Variants in AGO1 observed in about 807,000 individuals in gnomAD.
AGO1 encodes the protein argonaute RISC component 1, also known as protein argonaute-1.
AGO1 carries 11 observed loss-of-function variants against 109.2 expected under a neutral mutation model. The observed-to-expected ratio is 0.10, with a 90% CI of 0.06 to 0.17. The LOEUF (loss-of-function observed/expected upper bound fraction) is 0.17. Among genes scored for constraint, AGO1 ranks in the 10% least tolerant of loss-of-function variants. The pLI is 1.00. For synonymous variants in AGO1, 422 were observed against 418.6 expected (o/e 1.01, Z -0.10); for missense variants, 574 against 1,140.3 (o/e 0.50, Z 7.15).
intron 1 of AGO1, among the ~76,000 whole-genome samples, chr1:35,885,456 T>C (rs1645105881): frequency 6.6e-6 from 1 of 152,230 alleles, no homozygotes; most frequent in South Asian, 2.1e-4. Context: ...GGACAGGCTT[T>C]GCCTCAGTAA....
chr1:35,894,452 A>G (rs1024549586), intron 7 of AGO1, 50 bp downstream of exon 7: 22 of 1,575,760 alleles, frequency 1.4e-5, no homozygotes, highest in Non-Finnish European at 1.9e-5. Flanking sequence ...AGAAGGGCTG[A>G]GATTTAAAAC....
In AGO1 at chr1:35,888,671, G is replaced by A; in HGVS notation, c.209+61G>A. 6.3e-7 allele frequency: 1 copy of A among 1,583,788 alleles called. No homozygotes were observed. Among genetic ancestry groups the A allele is most frequent in the Non-Finnish European group, 8.6e-7 (1 of 1,161,256 alleles). On this transcript the variant is annotated intron_variant, in intron 2 of 18. Transcript: ENST00000373204. The surrounding 1 kb of genome is among the most constrained non-coding windows in gnomAD (Gnocchi z 4.1). ...GACACCAACCTTGAAAGAGGGGCCA[G>A]AAAGGTAAAAGAAAAACCAGTAGAG...
chr1:35,888,487 T>C lies in AGO1; in HGVS notation c.86T>C (p.Ile29Thr). Reference sequence around the variant, plus strand: ...TTCCAGGCACCTCGCCGGCCTGGCATTGGCACTGTGGGGAAACCAATCAAG... The same window carrying C: ...TTCCAGGCACCTCGCCGGCCTGGCACTGGCACTGTGGGGAAACCAATCAAG... ...QVFQAPRRPG[I>T]GTVGKPIKLL... Residue 29 changes from isoleucine (I) to threonine (T), a missense_variant, in exon 2 of 19, where the codon ATT becomes ACT. Ile to Thr is a moderately conservative substitution (Grantham distance 89). Around this residue, in one of 8 missense-constraint regions of AGO1, gnomAD observed 89 missense variants for 109.6 expected, o/e 0.81. Coordinates refer to ENST00000373204, the MANE Select transcript of AGO1 (RefSeq NM_012199.5). The surrounding 1 kb of genome is among the most constrained non-coding windows in gnomAD (Gnocchi z 4.1). The C allele has an allele frequency of 2.5e-6, 4 of 1,614,216 alleles. No individual in the cohort carries two copies. The highest frequency in any genetic ancestry group is 3.4e-6 in the Non-Finnish European group (4 of 1,180,030).
intron 17 of AGO1, 92 bp downstream of exon 17, chr1:35,918,515 A>T (rs1645775102): frequency 9.7e-7 from 1 of 1,033,694 alleles, no homozygotes; most frequent in South Asian, 1.3e-5. Context: ...ACTGAATGAC[A>T]TCCAAATTAG....
chr1:35,871,913 C>G (rs1644954316), intron 1 of AGO1, among the ~76,000 whole-genome samples: 1 of 150,516 alleles, frequency 6.6e-6, no homozygotes, highest in Non-Finnish European at 1.5e-5. Context: ...ACTAAAAATA[C>G]AAAAAAATTA....
chr1:35,870,569 A>C (rs1000242529), intron 1 of AGO1, among the ~76,000 whole-genome samples: 3 of 152,216 alleles, frequency 2.0e-5, no homozygotes, highest in Non-Finnish European at 4.4e-5. Flanking sequence ...GGCGTGAGCC[A>C]CCGCGCCTGG....
In AGO1 at chr1:35,907,136, A is replaced by G. The variant is rs982057821; in HGVS notation, c.1582+17A>G. The G allele has an allele frequency of 3.1e-6, 5 of 1,601,474 alleles. No individual in the cohort carries two copies. The Admixed American group carries it at 8.5e-5, about 27-fold the overall frequency. Reference sequence around the variant, plus strand: ...CGGTGTATGGTACAGTTCTCTTGGGACAGTGATAATGGTGATAGGACTCTT... The same window carrying G: ...CGGTGTATGGTACAGTTCTCTTGGGGCAGTGATAATGGTGATAGGACTCTT... On this transcript the variant is annotated intron_variant, in intron 12 of 18. Coordinates refer to ENST00000373204, the MANE Select transcript of AGO1 (RefSeq NM_012199.5).
chr1:35,901,917 TCTC>T lies in AGO1; in HGVS notation c.1141-28_1141-26del, dbSNP rs1332172701. The stretch of plus-strand genomic sequence containing the variant: ...GTGAGCAGTATTGCCAAGCTCCTGT[TCTC>T]CTGAGATTGCTCTCTTTTGTCCTGC... On this transcript the variant is annotated intron_variant, in intron 9 of 18. Coordinates refer to ENST00000373204, the MANE Select transcript of AGO1 (RefSeq NM_012199.5). The surrounding 1 kb of genome is among the most constrained non-coding windows in gnomAD (Gnocchi z 4.8). 5 of 1,554,246 alleles carry T rather than the reference TCTC, an allele frequency of 3.2e-6. No individual in the cohort carries two copies. The highest frequency in any genetic ancestry group is 3.5e-6 in the Non-Finnish European group (4 of 1,151,218).
rs1267025830 is a variant in AGO1, at chr1:35,920,809, T to G, written c.*1202T>G. 3 of 152,598 alleles carry G rather than the reference T, an allele frequency of 2.0e-5. No homozygotes were observed. Among genetic ancestry groups the G allele is most frequent in the South Asian group, 2.1e-4 (1 of 4,818 alleles). 9.5% of individuals were successfully genotyped at this position (152,598 alleles called of 1,614,324 possible). On this transcript the variant is annotated 3_prime_UTR_variant, in exon 19 of 19. Coordinates refer to ENST00000373204, the MANE Select transcript of AGO1 (RefSeq NM_012199.5). Reference sequence around the variant, plus strand: ...TCAATATTTCTTAACTGGGGTGTCTTATAACAAAAAACTCTTAGGTCTAAA... The same window carrying G: ...TCAATATTTCTTAACTGGGGTGTCTGATAACAAAAAACTCTTAGGTCTAAA...
At chr1:35,871,651 T>C (rs1352489636) in intron 1 of AGO1, among the ~76,000 whole-genome samples, 1 of 152,048 alleles carries the variant, frequency 6.6e-6, no homozygotes, top group African/African-American at 2.4e-5. Context: ...GGTGGGAGAA[T>C]TGCTTGAGTC....
intron 12 of AGO1, among the ~76,000 whole-genome samples, chr1:35,912,593 G>A (rs1055460036): frequency 1.3e-5 from 2 of 151,554 alleles, no homozygotes; most frequent in African/African-American, 4.9e-5. Flanking sequence ...ATTTTTCTGA[G>A]ACGGAGTCTT....
upstream of AGO1, chr1:35,882,765 A>G: frequency 1.0e-6 from 1 of 979,096 alleles, no homozygotes; most frequent in Non-Finnish European, 1.2e-6. The surrounding 1 kb of genome is among the most constrained non-coding windows in gnomAD (Gnocchi z 5.1). Flanking sequence ...GGACGGAGAA[A>G]GACTTCGTGG....
At chr1:35,905,267 T>G (rs983774782) in intron 11 of AGO1, among the ~76,000 whole-genome samples, 1 of 152,218 alleles carries the variant, frequency 6.6e-6, no homozygotes, top group African/African-American at 2.4e-5. Flanking sequence ...AACATACTAT[T>G]AATGGTCAAA....
At chr1:35,884,985 A>C (rs1645095762) in intron 1 of AGO1, among the ~76,000 whole-genome samples, 1 of 152,112 alleles carries the variant, frequency 6.6e-6, no homozygotes, top group Non-Finnish European at 1.5e-5. Context: ...TTTTTGTAGC[A>C]GACCTAACTC....
chr1:35,915,035 C>G (rs1344073658), intron 14 of AGO1, among the ~76,000 whole-genome samples: 1 of 152,066 alleles, frequency 6.6e-6, no homozygotes, highest in Non-Finnish European at 1.5e-5. Context: ...TTCACATGCT[C>G]CTCTGCAAAG....
At chr1:35,874,025 G>T (rs2148703036) in intron 1 of AGO1, among the ~76,000 whole-genome samples, 1 of 152,216 alleles carries the variant, frequency 6.6e-6, no homozygotes, top group Non-Finnish European at 1.5e-5. Flanking sequence ...TAAATCTCAT[G>T]ATATTTCAAA....
chr1:35,885,379 A>C (rs1446972584), intron 1 of AGO1, among the ~76,000 whole-genome samples: 1 of 152,214 alleles, frequency 6.6e-6, no homozygotes, highest in Non-Finnish European at 1.5e-5. Flanking sequence ...TACAAAAAAT[A>C]AGCTTATAGG....
chr1:35,915,269 A>G, intron 14 of AGO1, 79 bp from the exon 15 acceptor site: 1 of 1,329,872 alleles, frequency 7.5e-7, no homozygotes, highest in Non-Finnish European at 1.1e-6. Flanking sequence ...TTTTCTTGCT[A>G]AGAAGCCTTT....
intron 1 of AGO1, chr1:35,873,753 A>G (rs1199659732): frequency 1.3e-5 from 2 of 152,376 alleles, no homozygotes; most frequent in Non-Finnish European, 2.9e-5. Context: ...TCCTTTTTTT[A>G]TCTAATTGCA....
Sources: gnomAD v4.1 joint callset for allele counts (sites outside exome capture counted in the v4.1 genomes callset) on GRCh38, gnomAD v4.1.1 for gene constraint, gnomAD v4.1.1 regional missense constraint, Gnocchi (gnomAD v3.1) non-coding constraint, MANE v1.5 for transcripts, NCBI Gene and HGNC (gene_info 2026-07-23, HGNC 2026-07-21) for gene names.